Variants in PALLD observed in about 807,000 individuals in gnomAD.
The protein encoded by PALLD is palladin.
A neutral mutation model predicts 123.5 loss-of-function variants in PALLD; 61 were observed. That is an observed-to-expected ratio of 0.49 (90% confidence interval 0.40 to 0.61). PALLD has a LOEUF of 0.61. Ranked by LOEUF, PALLD falls within the 20% of genes least tolerant of loss-of-function variation. The pLI, the probability that PALLD is intolerant of heterozygous loss-of-function variation, is 0.00. For missense variants in PALLD, 1,273 were observed against 1,377.0 expected (o/e 0.92, Z 1.20); for synonymous variants, 465 against 496.4 (o/e 0.94, Z 0.84).
chr4:168,684,499 C>T (rs1176076124), intron 5 of PALLD, among the ~76,000 whole-genome samples: 4 of 152,082 alleles, frequency 2.6e-5, no homozygotes, highest in African/African-American at 4.8e-5. Context: ...CCCTTCAAGC[C>T]GAGTTTCTTC....
chr4:168,547,178 C>A (rs1178254290), intron 2 of PALLD, among the ~76,000 whole-genome samples: 1 of 152,052 alleles, frequency 6.6e-6, no homozygotes, highest in Non-Finnish European at 1.5e-5. Context: ...AATCTCAAGC[C>A]CTGGACCGTC....
At chr4:168,863,699 T>C (rs1056665181) in intron 10 of PALLD, 1 of 152,256 alleles carries the variant, frequency 6.6e-6, no homozygotes, top group African/African-American at 2.4e-5. Flanking sequence ...CTGGTTCATT[T>C]TGACATTTTT....
At chr4:168,750,499 G>A (rs1259205154) in intron 10 of PALLD, among the ~76,000 whole-genome samples, 2 of 152,012 alleles carry the variant, frequency 1.3e-5, no homozygotes, top group Non-Finnish European at 2.9e-5. Context: ...TTTGACTTGT[G>A]GTTTAGGATA....
intron 10 of PALLD, among the ~76,000 whole-genome samples, chr4:168,766,629 A>G (rs949175873): frequency 2.4e-4 from 36 of 152,224 alleles, no homozygotes; most frequent in Admixed American, 9.2e-4. Flanking sequence ...AGACAGCATA[A>G]TGCGGGGGAA....
rs948520017 is a variant in PALLD at position 168,533,509 on chromosome 4, A to G, written c.908+21097A>G. ...GTCTGAATGACTAGATGACTAGATA[A>G]TTATGCCATTCAGATGAGAAAGACC... On this transcript the variant is annotated intron_variant, in intron 2 of 21. Coordinates refer to ENST00000505667, the MANE Select transcript of PALLD (RefSeq NM_001166108.2). 2.0e-5 allele frequency among the ~76,000 whole-genome samples: 3 copies of G among 152,368 alleles called. No homozygotes were observed. The East Asian group carries it at 5.8e-4, about 29-fold the overall frequency.
At chr4:168,518,486 C>T (rs898039501) in intron 2 of PALLD, among the ~76,000 whole-genome samples, 1 of 152,156 alleles carries the variant, frequency 6.6e-6, no homozygotes, top group Non-Finnish European at 1.5e-5. Flanking sequence ...TCTTGCCACT[C>T]CCCCAGTCAC....
At chr4:168,690,260 C>A (rs953162513) in intron 6 of PALLD, among the ~76,000 whole-genome samples, 1 of 152,146 alleles carries the variant, frequency 6.6e-6, no homozygotes, top group Non-Finnish European at 1.5e-5. Flanking sequence ...ATTCCACCTG[C>A]TTCCTTTTAA....
At chr4:168,555,985 G>A (rs1767243774) in intron 2 of PALLD, among the ~76,000 whole-genome samples, 1 of 152,110 alleles carries the variant, frequency 6.6e-6, no homozygotes, top group Admixed American at 6.5e-5. Context: ...AATGTGTATA[G>A]AACCACCCCG....
intron 10 of PALLD, among the ~76,000 whole-genome samples, chr4:168,733,129 CAG>C (rs1787346379): frequency 6.6e-6 from 1 of 151,964 alleles, no homozygotes; most frequent in South Asian, 2.1e-4. Flanking sequence ...ACTATTAAGT[CAG>C]GGTAATTGAG....
At position 168,874,802 on chromosome 4, in the gene PALLD, T is replaced by C. The variant is rs142401296; in HGVS notation, c.1965-16120T>C. Among the ~76,000 whole-genome samples the C allele has an allele frequency of 1.7e-4, 26 of 152,244 alleles. 1 individual carries two copies. Among genetic ancestry groups the C allele is most frequent in the African/African-American group, 6.0e-4 (25 of 41,556 alleles). On this transcript the variant is annotated intron_variant, in intron 10 of 21. Transcript: ENST00000505667. ...GTGTTACTTAAAACCAGTCTTCCCATGTGTAAGTGGACTGTGCCAGGTCTA... is the reference window on the plus strand; with the variant it reads ...GTGTTACTTAAAACCAGTCTTCCCACGTGTAAGTGGACTGTGCCAGGTCTA...
intron 2 of PALLD, chr4:168,536,444 G>A (rs1426670213): frequency 6.6e-6 from 1 of 152,132 alleles, no homozygotes; most frequent in Non-Finnish European, 1.5e-5. Context: ...GTATTTGACC[G>A]TGTTCACACT....
At chr4:168,730,831 T>C (rs1787099087) in intron 10 of PALLD, among the ~76,000 whole-genome samples, 1 of 152,138 alleles carries the variant, frequency 6.6e-6, no homozygotes, top group Admixed American at 6.5e-5. Flanking sequence ...TATGCATCCA[T>C]CTAATTCCTT....
At chr4:168,721,267 T>C (rs1785986019) in intron 10 of PALLD, among the ~76,000 whole-genome samples, 2 of 152,200 alleles carry the variant, frequency 1.3e-5, no homozygotes, top group Non-Finnish European at 2.9e-5. Context: ...GTGAAAATAG[T>C]CATCCCTACT....
chr4:168,720,436 A>C (rs1785885049), intron 10 of PALLD, among the ~76,000 whole-genome samples: 2 of 152,218 alleles, frequency 1.3e-5, no homozygotes, highest in Non-Finnish European at 2.9e-5. Flanking sequence ...CAAAAGCATA[A>C]AGTGTGGACC....
At chr4:168,797,176 G>A (rs1417917132) in intron 10 of PALLD, among the ~76,000 whole-genome samples, 1 of 151,662 alleles carries the variant, frequency 6.6e-6, no homozygotes, top group African/African-American at 2.4e-5. Flanking sequence ...TGGCTTGAGG[G>A]AGACACAGTT....
At chr4:168,551,436 T>A (rs1478447914) in intron 2 of PALLD, among the ~76,000 whole-genome samples, 2 of 152,160 alleles carry the variant, frequency 1.3e-5, no homozygotes, top group Non-Finnish European at 2.9e-5. Context: ...GGAGTCACAA[T>A]TCTTTTATTG....
chr4:168,892,981 A>G (rs1160163985), intron 11 of PALLD, among the ~76,000 whole-genome samples: 1 of 152,124 alleles, frequency 6.6e-6, no homozygotes, highest in Non-Finnish European at 1.5e-5. Context: ...CTAATATTAT[A>G]TATCATTCTC....
At chr4:168,595,164 G>T (rs1020906610) in intron 2 of PALLD, among the ~76,000 whole-genome samples, 1 of 152,172 alleles carries the variant, frequency 6.6e-6, no homozygotes, top group Admixed American at 6.5e-5. Context: ...ATGAGGATAA[G>T]TTGTGGTGGG....
At chr4:168,573,450 C>G (rs567911050) in intron 2 of PALLD, among the ~76,000 whole-genome samples, 22 of 152,194 alleles carry the variant, frequency 1.4e-4, no homozygotes, top group Non-Finnish European at 2.9e-4. Flanking sequence ...TTCTATACCC[C>G]CAGTGTCCAA....
Sources: allele counts gnomAD v4.1 joint callset (sites outside exome capture counted in the v4.1 genomes callset), GRCh38; gene constraint gnomAD v4.1.1; transcripts MANE v1.5; gene names NCBI Gene and HGNC (gene_info 2026-07-23, HGNC 2026-07-21).